PDXK: variants seen among roughly 807,000 people sequenced by gnomAD.
The protein encoded by PDXK is epididymis secretory sperm binding protein Li 1a.
PDXK carries 15 observed loss-of-function variants against 43.2 expected under a neutral mutation model. That is an observed-to-expected ratio of 0.35 (90% CI 0.23 to 0.53). PDXK has a LOEUF of 0.53. Among genes scored for constraint, PDXK ranks in the 20% least tolerant of loss-of-function variants. PDXK has a pLI of 0.92. For missense variants in PDXK, 343 were observed against 417.0 expected (o/e 0.82, Z 1.54); for synonymous variants, 172 against 165.4 (o/e 1.04, Z -0.31).
At chr21:43,728,413 C>T (rs1395916322) in intron 1 of PDXK, among the ~76,000 whole-genome samples, 3 of 152,160 alleles carry the variant, frequency 2.0e-5, no homozygotes, top group Admixed American at 6.5e-5. Flanking sequence ...TGGGTGGCTT[C>T]GGCTTCTGTG....
chr21:43,743,337 C>A (rs1273570057), intron 3 of PDXK, among the ~76,000 whole-genome samples: 1 of 82,432 alleles, frequency 1.2e-5, no homozygotes, highest in Middle Eastern at 7.9e-3. Flanking sequence ...ACTGTGGGGA[C>A]ACCTCGCCTG....
chr21:43,740,097 C>A (rs147664892), intron 2 of PDXK, among the ~76,000 whole-genome samples: 1 of 152,054 alleles, frequency 6.6e-6, no homozygotes. Flanking sequence ...TCTGGTGTCC[C>A]GGGCAGAGTA....
At chr21:43,724,874 G>A (rs1038151492) in intron 1 of PDXK, among the ~76,000 whole-genome samples, 1 of 151,496 alleles carries the variant, frequency 6.6e-6, no homozygotes, top group African/African-American at 2.4e-5. Flanking sequence ...AAACATGTAT[G>A]GAAGTACAAT....
intron 1 of PDXK, among the ~76,000 whole-genome samples, chr21:43,726,769 CATGT>C (rs930273511): frequency 3.9e-5 from 6 of 152,030 alleles, no homozygotes; most frequent in Non-Finnish European, 8.8e-5. Context: ...CACATCGGTG[CATGT>C]GTGTGTGTGT....
chr21:43,732,972 T>A lies in PDXK; in HGVS notation c.88-1097T>A, dbSNP rs2083340153. On this transcript the variant is annotated intron_variant, in intron 1 of 10. Coordinates refer to ENST00000291565, the MANE Select transcript of PDXK (RefSeq NM_003681.5). The surrounding 1 kb of genome is among the most constrained non-coding windows in gnomAD (Gnocchi z 4.1). The stretch of plus-strand genomic sequence containing the variant: ...CATGTTGCCCAGGCTGGTCTTGAAC[T>A]CCTGGCCTCAAACTGTACTCCTACC... Among the ~76,000 whole-genome samples, 1 of 152,140 alleles carries A rather than the reference T, an allele frequency of 6.6e-6. No homozygotes were observed. Among genetic ancestry groups the A allele is most frequent in the Admixed American group, 6.5e-5 (1 of 15,272 alleles).
Position 43,741,797 on chromosome 21 carries a change from G to C in PDXK, c.247+26G>C, listed in dbSNP as rs1030884918. ...GTAGGTGCCGGAGCAAGCTGCCGCA[G>C]GGGACTACGCACCCCACTCCAGCCA... On this transcript the variant is annotated intron_variant, in intron 3 of 10. Coordinates refer to ENST00000291565, the MANE Select transcript of PDXK (RefSeq NM_003681.5). The C allele has an allele frequency of 4.1e-6, 6 of 1,478,098 alleles. No homozygotes were observed. The African/African-American group carries it at 8.3e-5, about 20-fold the overall frequency. The allele number at this position is 1,478,098 out of a possible 1,614,324, so 91.6% of individuals were successfully genotyped here.
At position 43,735,963 on chromosome 21, in the gene PDXK, C is replaced by T. The variant is rs952073830; in HGVS notation, c.142+1840C>T. Among the ~76,000 whole-genome samples, 3 of 152,160 alleles carry T rather than the reference C, an allele frequency of 2.0e-5. No individual in the cohort carries two copies. Among genetic ancestry groups the T allele is most frequent in the African/African-American group, 7.2e-5 (3 of 41,440 alleles). ...GTACCTGCCCTGGGTGCCACGGGAG[C>T]TGGTGGTCAAGACGGGGGACTCGGC... On this transcript the variant is annotated intron_variant, in intron 2 of 10. Transcript: ENST00000291565. This position sits in a 1 kb window ranked among gnomAD's most constrained non-coding sequence, Gnocchi z 5.3.
At chr21:43,726,425 G>A (rs1207437960) in intron 1 of PDXK, among the ~76,000 whole-genome samples, 2 of 151,814 alleles carry the variant, frequency 1.3e-5, no homozygotes, top group South Asian at 4.2e-4. Context: ...ACAGGCGCCC[G>A]CCACCACACC....
At chr21:43,746,467 T>C (rs1425573131) in intron 5 of PDXK, among the ~76,000 whole-genome samples, 2 of 152,200 alleles carry the variant, frequency 1.3e-5, no homozygotes, top group African/African-American at 4.8e-5. Context: ...TCACCCAGGC[T>C]GGAGTGCAGT....
chr21:43,750,295 G>A (rs542351445), intron 6 of PDXK, among the ~76,000 whole-genome samples: 54 of 152,374 alleles, frequency 3.5e-4, no homozygotes, highest in African/African-American at 1.2e-3. Context: ...TGGGCCTTAC[G>A]TGACTCCTGT....
intron 1 of PDXK, among the ~76,000 whole-genome samples, chr21:43,730,342 T>G (rs1325722953): frequency 6.6e-6 from 1 of 152,154 alleles, no homozygotes; most frequent in Non-Finnish European, 1.5e-5. Flanking sequence ...TCCAGGCTGG[T>G]CTCGAACTCC....
At chr21:43,720,584 C>T (rs912365288) in intron 1 of PDXK, among the ~76,000 whole-genome samples, 2 of 152,158 alleles carry the variant, frequency 1.3e-5, no homozygotes, top group Non-Finnish European at 2.9e-5. Flanking sequence ...CTGTTCCATC[C>T]AGCTGCAGGC....
intron 1 of PDXK, chr21:43,719,819 G>C: frequency 9.1e-6 from 9 of 985,466 alleles, no homozygotes; most frequent in Non-Finnish European, 9.6e-6. Context: ...AAGCGGCCGT[G>C]GAGCTCGAGA....
chr21:43,727,727 G>A (rs1027936724), intron 1 of PDXK, among the ~76,000 whole-genome samples: 2 of 152,202 alleles, frequency 1.3e-5, no homozygotes, highest in South Asian at 2.1e-4. Flanking sequence ...TCTGCCAGCC[G>A]GGGCACAGGG....
intron 9 of PDXK, 94 bp downstream of exon 9, chr21:43,753,813 C>T: frequency 7.1e-7 from 1 of 1,403,722 alleles, no homozygotes; most frequent in East Asian, 2.5e-5. Flanking sequence ...CCCTGCTGAG[C>T]TGACAGGGCA....
Position 43,752,567 on chromosome 21 carries a change from G to A in PDXK, c.560G>A (p.Ser187Asn). 2 of 1,612,988 alleles carry A rather than the reference G, an allele frequency of 1.2e-6. No individual in the cohort carries two copies. Among genetic ancestry groups the A allele is most frequent in the Non-Finnish European group, 1.7e-6 (2 of 1,179,946 alleles). The change falls in exon 8 of 11, where the codon AGC becomes AAC. Residue 187 changes from serine (S) to asparagine (N), a missense_variant. Physicochemically the swap from Ser to Asn is conservative, Grantham distance 46 (BLOSUM62 1). Transcript: ENST00000291565. ...GGCCCCGACACCGTGGTCATCACCA[G>A]CTCCGACCTGCCCTCCCCGCAGGGC... Reference protein sequence around the residue: ...SMGPDTVVITSSDLPSPQGSN... With the variant: ...SMGPDTVVITNSDLPSPQGSN...
In PDXK at chr21:43,743,770, G is replaced by A. The variant is rs1412181822; in HGVS notation, c.294G>A (p.Val98=). Residue 98 remains valine (V), a synonymous_variant, in exon 4 of 11, where the codon GTG becomes GTA. Transcript: ENST00000291565. The part of the protein sequence containing the change: ...KSFLAMVVDI[V]QELKQQNPRL... ...TCCTGGCCATGGTGGTGGACATTGT[G>A]CAGGAGCTGAAGCAGCAGAACCCCA... is the stretch of plus-strand genomic sequence containing the variant. 6.2e-7 allele frequency: 1 copy of A among 1,613,844 alleles called. No individual in the cohort carries two copies. The highest frequency in any genetic ancestry group is 8.5e-7 in the Non-Finnish European group (1 of 1,179,802).
chr21:43,754,509 C>T lies in PDXK; in HGVS notation c.759+790C>T, dbSNP rs2083812007. ...TGGTTTTGTCAGCTGAGTCCGAGGACGCCTGGAGTGTGTCTTCTTACAACA... is the reference window on the plus strand; with the variant it reads ...TGGTTTTGTCAGCTGAGTCCGAGGATGCCTGGAGTGTGTCTTCTTACAACA... On this transcript the variant is annotated intron_variant, in intron 9 of 10. Coordinates refer to ENST00000291565, the MANE Select transcript of PDXK (RefSeq NM_003681.5). This position sits in a 1 kb window ranked among gnomAD's most constrained non-coding sequence, Gnocchi z 5.5. 6.6e-6 allele frequency among the ~76,000 whole-genome samples: 1 copy of T among 152,090 alleles called. No individual in the cohort carries two copies. Among genetic ancestry groups the T allele is most frequent in the Admixed American group, 6.5e-5 (1 of 15,288 alleles).
intron 7 of PDXK, among the ~76,000 whole-genome samples, chr21:43,750,971 T>C (rs927494601): frequency 2.0e-5 from 3 of 152,156 alleles, no homozygotes; most frequent in African/African-American, 7.2e-5. Context: ...CATGTGTGTG[T>C]GTGTGTGTGC....
Sources: gnomAD v4.1 joint callset for allele counts (sites outside exome capture counted in the v4.1 genomes callset) on GRCh38, gnomAD v4.1.1 for gene constraint, Gnocchi (gnomAD v3.1) non-coding constraint, MANE v1.5 for transcripts, NCBI Gene and HGNC (gene_info 2026-07-23, HGNC 2026-07-21) for gene names.